The following PARM1 variants were observed in gnomAD, a reference collection of about 807,000 sequenced individuals.
The protein encoded by PARM1 is prostate androgen-regulated mucin-like protein 1, also known as WSC4, cell wall integrity and stress response component 4 homolog.
Under a neutral mutation model 24.6 loss-of-function variants are expected in PARM1, and 14 were observed. The observed-to-expected ratio is 0.57, with a 90% CI of 0.38 to 0.89. The LOEUF is 0.89. Among genes scored for constraint, PARM1 ranks in the 40% least tolerant of loss-of-function variants. PARM1 has a pLI of 0.00. For missense variants in PARM1, 362 were observed against 380.4 expected (o/e 0.95, Z 0.40); for synonymous variants, 179 against 156.6 (o/e 1.14, Z -1.07).
At chr4:74,987,417 G>A (rs988546985) in intron 1 of PARM1, among the ~76,000 whole-genome samples, 1 of 152,094 alleles carries the variant, frequency 6.6e-6, no homozygotes, top group Non-Finnish European at 1.5e-5. Context: ...GATATTGAAT[G>A]TTCTACTGTT....
At chr4:74,948,623 G>A (rs1721451312) in intron 1 of PARM1, among the ~76,000 whole-genome samples, 1 of 152,128 alleles carries the variant, frequency 6.6e-6, no homozygotes, top group South Asian at 2.1e-4. Flanking sequence ...CATGGTGAAT[G>A]CACTGGACAC....
At chr4:75,002,940 A>G (rs1024455618) in intron 1 of PARM1, among the ~76,000 whole-genome samples, 3 of 152,230 alleles carry the variant, frequency 2.0e-5, no homozygotes, top group Non-Finnish European at 4.4e-5. Context: ...TGTAAGTTAC[A>G]TATTTAGACA....
intron 2 of PARM1, among the ~76,000 whole-genome samples, chr4:75,021,528 G>A (rs755197987): frequency 1.3e-5 from 2 of 151,790 alleles, no homozygotes; most frequent in Non-Finnish European, 2.9e-5. Context: ...TGTGTCATGC[G>A]AGTTTGTTGT....
At chr4:74,936,909 A>G (rs567000447) in intron 1 of PARM1, among the ~76,000 whole-genome samples, 21 of 152,212 alleles carry the variant, frequency 1.4e-4, no homozygotes, top group Non-Finnish European at 2.4e-4. Flanking sequence ...TCCTATTTCT[A>G]CCGCCCTGGG....
intron 1 of PARM1, among the ~76,000 whole-genome samples, chr4:74,986,140 G>A (rs1483244816): frequency 6.6e-6 from 1 of 152,016 alleles, no homozygotes; most frequent in Non-Finnish European, 1.5e-5. Flanking sequence ...AATGCATAGA[G>A]TCTTTGGTGC....
intron 1 of PARM1, among the ~76,000 whole-genome samples, chr4:75,005,130 A>G (rs913791314): frequency 4.6e-5 from 7 of 152,192 alleles, no homozygotes; most frequent in African/African-American, 1.7e-4. Context: ...GCAGTTCACG[A>G]TGGTGGCCGT....
chr4:74,977,222 A>T (rs905091567), intron 1 of PARM1, among the ~76,000 whole-genome samples: 2 of 152,190 alleles, frequency 1.3e-5, no homozygotes, highest in Non-Finnish European at 2.9e-5. Flanking sequence ...ATAAAACATT[A>T]TGGGAGCTAT....
chr4:75,014,298 G>A (rs1021826124), intron 2 of PARM1, among the ~76,000 whole-genome samples: 1 of 152,210 alleles, frequency 6.6e-6, no homozygotes, highest in Non-Finnish European at 1.5e-5. Context: ...AGAAGTCCCA[G>A]AGAATTGCAC....
At chr4:75,006,871 A>C (rs982806179) in intron 1 of PARM1, among the ~76,000 whole-genome samples, 2 of 152,218 alleles carry the variant, frequency 1.3e-5, no homozygotes, top group Non-Finnish European at 2.9e-5. Flanking sequence ...AAAATTGACA[A>C]ATGGGATCTA....
At chr4:74,957,445 G>C (rs1224719363) in intron 1 of PARM1, 1 of 151,982 alleles carries the variant, frequency 6.6e-6, no homozygotes, top group Non-Finnish European at 1.5e-5. Flanking sequence ...AATTACAGGA[G>C]GTCTTGGATG....
At chr4:74,998,724 T>C (rs1722621014) in intron 1 of PARM1, among the ~76,000 whole-genome samples, 1 of 152,238 alleles carries the variant, frequency 6.6e-6, no homozygotes, top group Non-Finnish European at 1.5e-5. Flanking sequence ...CAAGCATGCA[T>C]GTGTTACACT....
chr4:74,962,876 C>T (rs146188848), intron 1 of PARM1, among the ~76,000 whole-genome samples: 70 of 152,316 alleles, frequency 4.6e-4, no homozygotes, highest in African/African-American at 1.6e-3. Flanking sequence ...CTTAATGCCA[C>T]AGATCTGTAC....
intron 1 of PARM1, among the ~76,000 whole-genome samples, chr4:74,999,984 T>C (rs1391567989): frequency 1.3e-5 from 2 of 152,078 alleles, no homozygotes. Context: ...GATGCATCTG[T>C]GGGTGTGTGC....
intron 1 of PARM1, among the ~76,000 whole-genome samples, chr4:74,953,765 G>C (rs910316844): frequency 4.6e-5 from 7 of 152,096 alleles, no homozygotes; most frequent in Admixed American, 4.6e-4. Flanking sequence ...ATTAAAGTTT[G>C]AAAAGCGATC....
At chr4:75,037,421 C>T (rs774538960) in intron 3 of PARM1, among the ~76,000 whole-genome samples, 19 of 152,170 alleles carry the variant, frequency 1.2e-4, no homozygotes, top group Non-Finnish European at 2.5e-4. Flanking sequence ...GCTTGGCAAG[C>T]TCTGCTAACA....
intron 2 of PARM1, among the ~76,000 whole-genome samples, chr4:75,023,128 CTT>C (rs570035507): frequency 3.0e-4 from 46 of 152,314 alleles, no homozygotes; most frequent in African/African-American, 1.0e-3. Flanking sequence ...ATCAAAAACA[CTT>C]TGCCATATTT....
At chr4:75,038,269 A>T (rs1486749057) in intron 3 of PARM1, among the ~76,000 whole-genome samples, 1 of 152,262 alleles carries the variant, frequency 6.6e-6, no homozygotes, top group Non-Finnish European at 1.5e-5. Context: ...AAATGAGACT[A>T]TAATAATAAT....
In PARM1 at chr4:75,033,043, G is replaced by T. The variant is rs148290704; in HGVS notation, c.770-840G>T. Among the ~76,000 whole-genome samples the T allele has an allele frequency of 3.1e-3, 467 of 152,276 alleles. 3 individuals are homozygous for T. Among genetic ancestry groups the T allele is most frequent in the Middle Eastern group, 0.01 (3 of 294 alleles). On this transcript the variant is annotated intron_variant, in intron 2 of 3. Coordinates refer to ENST00000307428, the MANE Select transcript of PARM1 (RefSeq NM_015393.4). ...GTGCTTCAAAGTAGTATTTGGAGGA[G>T]GTGTGGTTATTCTTACAAGGGTACA...
intron 1 of PARM1, among the ~76,000 whole-genome samples, chr4:74,937,625 C>G (rs1039826266): frequency 6.6e-6 from 1 of 152,148 alleles, no homozygotes; most frequent in Non-Finnish European, 1.5e-5. Flanking sequence ...TATAGGTATA[C>G]AGTGCTGGAG....
Sources: gnomAD v4.1 joint callset for allele counts (sites outside exome capture counted in the v4.1 genomes callset) on GRCh38, gnomAD v4.1.1 for gene constraint, MANE v1.5 for transcripts, NCBI Gene and HGNC (gene_info 2026-07-23, HGNC 2026-07-21) for gene names.